The following FGGY variants were observed in gnomAD, a reference collection of about 807,000 sequenced individuals.
FGGY encodes the protein FGGY carbohydrate kinase domain-containing protein.
Under a neutral mutation model 71.3 loss-of-function variants are expected in FGGY, and 72 were observed. The ratio of observed to expected loss-of-function variants is 1.01; its 90% confidence interval spans 0.84 to 1.23. FGGY has a LOEUF of 1.23. Among genes scored for constraint, FGGY ranks in the 50% most tolerant of loss-of-function variants. The pLI is 0.00. For synonymous variants in FGGY, 251 were observed against 250.3 expected, an observed-to-expected ratio of 1.00 and a Z score of -0.02; for missense variants, 668 against 682.3, an observed-to-expected ratio of 0.98 and a Z score of 0.23.
intron 14 of FGGY, among the ~76,000 whole-genome samples, chr1:59,720,450 A>G (rs2097880964): frequency 6.6e-6 from 1 of 152,228 alleles, no homozygotes; most frequent in Non-Finnish European, 1.5e-5. Flanking sequence ...TGAGCCAATT[A>G]CTTTAATAAT....
rs773950262 is a variant in FGGY, at chr1:59,321,609, C to A, written c.60C>A (p.Gly20=). ...RYYVGVDVGT[G]SVRAALVDQS... ...ATGTGGGTGTGGACGTTGGAACAGG[C>A]AGTGTCCGTGCAGCTCTGGTGGACC... is the stretch of plus-strand genomic sequence containing the variant. The change falls in exon 2 of 16, where the codon GGC becomes GGA. Residue 20 remains glycine (G), a synonymous_variant. Transcript: ENST00000303721. 10 of 1,613,922 alleles carry A rather than the reference C, an allele frequency of 6.2e-6. No individual in the cohort carries two copies. The highest frequency in any genetic ancestry group is 8.5e-6 in the Non-Finnish European group (10 of 1,179,864).
chr1:59,534,872 A>G (rs932668364), intron 7 of FGGY, among the ~76,000 whole-genome samples: 5 of 152,326 alleles, frequency 3.3e-5, no homozygotes, highest in Middle Eastern at 3.4e-3. Flanking sequence ...AGCCACTGCA[A>G]AATCATGCCA....
intron 5 of FGGY, among the ~76,000 whole-genome samples, chr1:59,435,291 T>C (rs2068190821): frequency 1.3e-5 from 2 of 152,134 alleles, no homozygotes; most frequent in African/African-American, 4.8e-5. Flanking sequence ...AAATGCAACG[T>C]GTATGTCCAA....
intron 14 of FGGY, among the ~76,000 whole-genome samples, chr1:59,727,587 T>C (rs1427979549): frequency 6.6e-6 from 1 of 152,178 alleles, no homozygotes; most frequent in Non-Finnish European, 1.5e-5. Context: ...CATTTCATGC[T>C]CATGGATCAG....
intron 5 of FGGY, among the ~76,000 whole-genome samples, chr1:59,386,145 T>C (rs1338569095): frequency 6.6e-6 from 1 of 152,222 alleles, no homozygotes; most frequent in Non-Finnish European, 1.5e-5. Context: ...TGGACTGATA[T>C]TGATATATTA....
chr1:59,387,310 G>A (rs1456809159), intron 5 of FGGY, among the ~76,000 whole-genome samples: 1 of 151,914 alleles, frequency 6.6e-6, no homozygotes, highest in Non-Finnish European at 1.5e-5. Context: ...TCATATTAAT[G>A]TATAAAAATA....
chr1:59,751,696 A>G (rs1360307965), intron 14 of FGGY, among the ~76,000 whole-genome samples: 4 of 152,236 alleles, frequency 2.6e-5, no homozygotes, highest in African/African-American at 9.6e-5. Context: ...AATTTTGATT[A>G]TTTTCCCAAT....
intron 6 of FGGY, among the ~76,000 whole-genome samples, chr1:59,481,919 T>C (rs1314899340): frequency 5.9e-5 from 9 of 152,166 alleles, no homozygotes; most frequent in African/African-American, 1.9e-4. Flanking sequence ...GAGTATCTTA[T>C]AAAAACCGAC....
chr1:59,538,575 C>G (rs375637539), intron 7 of FGGY, among the ~76,000 whole-genome samples: 2,078 of 138,540 alleles, frequency 0.015, 26 homozygotes, highest in African/African-American at 0.045. Flanking sequence ...TTCACAATAG[C>G]AAAGACTTGG....
At chr1:59,417,724 C>G (rs983836301) in intron 5 of FGGY, among the ~76,000 whole-genome samples, 24 of 152,224 alleles carry the variant, frequency 1.6e-4, no homozygotes, top group Non-Finnish European at 2.4e-4. Context: ...TTTAATGTGC[C>G]TATTTTCCAT....
rs1272557347 is a variant in FGGY, at chr1:59,321,808, T to C, written c.201+58T>C. Reference sequence around the variant, plus strand: ...ATATTCCTACCTGCTGAGTGTCGTGTGTCAATCTGGTGCCGTAAACAATGT... The same window carrying C: ...ATATTCCTACCTGCTGAGTGTCGTGCGTCAATCTGGTGCCGTAAACAATGT... On this transcript the variant is annotated intron_variant, in intron 2 of 15. Transcript: ENST00000303721. The C allele has an allele frequency of 1.3e-5, 20 of 1,525,002 alleles. No homozygotes were observed. In the East Asian group the frequency reaches 4.7e-4, roughly 36 times the overall value. 94.5% of individuals were successfully genotyped at this position (1,525,002 alleles called of 1,614,324 possible). A position where few individuals can be genotyped will look rare whatever the true frequency, so the allele number is the denominator to read the frequency against.
At chr1:59,445,360 T>A (rs1187107198) in intron 5 of FGGY, among the ~76,000 whole-genome samples, 7 of 152,228 alleles carry the variant, frequency 4.6e-5, no homozygotes, top group African/African-American at 1.4e-4. Context: ...CTTCTGCTGC[T>A]GCTTCTTTTT....
chr1:59,395,826 C>A (rs1005582933), intron 5 of FGGY, among the ~76,000 whole-genome samples: 18 of 152,166 alleles, frequency 1.2e-4, no homozygotes, highest in Non-Finnish European at 2.5e-4. Flanking sequence ...TTAACCTGGG[C>A]AGTCTGGCTC....
At chr1:59,616,295 C>T (rs1483385438) in intron 9 of FGGY, among the ~76,000 whole-genome samples, 1 of 152,158 alleles carries the variant, frequency 6.6e-6, no homozygotes, top group African/African-American at 2.4e-5. Context: ...CCATGGAATA[C>T]TATGCAGCCA....
rs187249277 is a variant in FGGY, at chr1:59,556,347, G to A, written c.903+2120G>A. Among the ~76,000 whole-genome samples the A allele has an allele frequency of 2.0e-5, 3 of 152,152 alleles. No homozygotes were observed. The East Asian group carries it at 5.8e-4, about 29-fold the overall frequency. ...GATGCAAGTGTCTCTGTGATGGCCTGCTTCTTAGTCTTACTGTCTCTTAAT... is the reference window on the plus strand; with the variant it reads ...GATGCAAGTGTCTCTGTGATGGCCTACTTCTTAGTCTTACTGTCTCTTAAT... On this transcript the variant is annotated intron_variant, in intron 8 of 15. Transcript: ENST00000303721.
intron 9 of FGGY, among the ~76,000 whole-genome samples, chr1:59,612,520 T>C (rs372256480): frequency 1.3e-5 from 2 of 152,086 alleles, no homozygotes; most frequent in African/African-American, 4.8e-5. Context: ...AAGGAACAAC[T>C]GGTACCAGCC....
chr1:59,531,522 A>G (rs961756551), intron 7 of FGGY, among the ~76,000 whole-genome samples: 2 of 152,200 alleles, frequency 1.3e-5, no homozygotes, highest in Non-Finnish European at 2.9e-5. Flanking sequence ...GGCCAAGATC[A>G]AAAGAGAAGC....
chr1:59,720,144 G>T (rs564972368), intron 14 of FGGY, among the ~76,000 whole-genome samples: 51 of 152,264 alleles, frequency 3.3e-4, no homozygotes, highest in Middle Eastern at 3.4e-3. Context: ...CATCATTCAG[G>T]ATACCTTCTC....
rs551057753 is a variant in FGGY at position 59,758,759 on chromosome 1, A to G, written c.1574+767A>G. Reference sequence around the variant, plus strand: ...TTCAGGTTACTATAAACAACTCATAATCCAGAAACACAAAGTATGAGATGG... The same window carrying G: ...TTCAGGTTACTATAAACAACTCATAGTCCAGAAACACAAAGTATGAGATGG... On this transcript the variant is annotated intron_variant, in intron 15 of 15. Coordinates refer to ENST00000303721, the MANE Select transcript of FGGY (RefSeq NM_018291.5). Among the ~76,000 whole-genome samples the G allele has an allele frequency of 7.9e-4, 121 of 152,342 alleles. 3 individuals carry two copies. Among genetic ancestry groups the G allele is most frequent in the Non-Finnish European group, 1.3e-4 (9 of 68,040 alleles).
Sources: allele counts gnomAD v4.1 joint callset (sites outside exome capture counted in the v4.1 genomes callset), GRCh38; gene constraint gnomAD v4.1.1; transcripts MANE v1.5; gene names NCBI Gene and HGNC (gene_info 2026-07-23, HGNC 2026-07-21).